The following VWC2L variants were observed in gnomAD, a reference collection of about 807,000 sequenced individuals.
The protein encoded by VWC2L is von Willebrand factor C domain-containing protein 2-like.
Under a neutral mutation model 21.6 loss-of-function variants are expected in VWC2L, and 10 were observed. The ratio of observed to expected loss-of-function variants is 0.46; its 90% CI spans 0.29 to 0.78. The LOEUF (loss-of-function observed/expected upper bound fraction) is 0.78, where lower values mean the gene tolerates loss of function less well. Ranked by LOEUF, VWC2L falls within the 30% of genes least tolerant of loss-of-function variation. The probability of loss-of-function intolerance (pLI) is 0.10; values close to 1 mark genes in which losing one functional copy is unlikely to be tolerated. For synonymous variants in VWC2L, 96 were observed against 94.3 expected (o/e 1.02, Z -0.10); for missense variants, 209 against 277.1 (o/e 0.75, Z 1.74).
chr2:214,476,247 G>A (rs1216393051), intron 3 of VWC2L, among the ~76,000 whole-genome samples: 1 of 152,056 alleles, frequency 6.6e-6, no homozygotes, highest in African/African-American at 2.4e-5. Context: ...AGCACATATT[G>A]CATTATTGAA....
At chr2:214,544,294 C>T (rs1213580275) in intron 3 of VWC2L, among the ~76,000 whole-genome samples, 1 of 152,144 alleles carries the variant, frequency 6.6e-6, no homozygotes, top group African/African-American at 2.4e-5. Flanking sequence ...GGTGTATCCT[C>T]AGAGCTGCTG....
chr2:214,494,645 G>A (rs1367358385), intron 3 of VWC2L, among the ~76,000 whole-genome samples: 5 of 152,084 alleles, frequency 3.3e-5, no homozygotes, highest in Non-Finnish European at 5.9e-5. Context: ...TGTTTTCCCA[G>A]ACGTTCTTAA....
chr2:214,447,825 C>T (rs988984542), intron 3 of VWC2L, among the ~76,000 whole-genome samples: 4 of 152,092 alleles, frequency 2.6e-5, no homozygotes, highest in Admixed American at 6.6e-5. Context: ...TGCATCTCCA[C>T]GTCATTGTTG....
chr2:214,574,972 T>C (rs1268588732), intron 3 of VWC2L, among the ~76,000 whole-genome samples: 2 of 145,630 alleles, frequency 1.4e-5, no homozygotes, highest in East Asian at 4.0e-4. Context: ...GGCTTTTGAA[T>C]GTCAAAAAGT....
chr2:214,531,670 C>G (rs183173301), intron 3 of VWC2L, among the ~76,000 whole-genome samples: 1 of 152,110 alleles, frequency 6.6e-6, no homozygotes, highest in Admixed American at 6.5e-5. Flanking sequence ...TACCGTGGCC[C>G]AAAGGACAGT....
chr2:214,470,211 G>A (rs957490470), intron 3 of VWC2L, among the ~76,000 whole-genome samples: 3 of 147,676 alleles, frequency 2.0e-5, no homozygotes, highest in Non-Finnish European at 4.4e-5. Flanking sequence ...TTTGATAAAT[G>A]CTTTTTTTTT....
chr2:214,421,758 T>A (rs1171763982), intron 2 of VWC2L, among the ~76,000 whole-genome samples: 1 of 150,768 alleles, frequency 6.6e-6, no homozygotes, highest in Admixed American at 6.6e-5. Context: ...AGATTTTAAC[T>A]CCAACTGTAC....
intron 3 of VWC2L, chr2:214,525,489 A>G (rs1427811293): frequency 6.6e-6 from 1 of 152,188 alleles, no homozygotes; most frequent in East Asian, 1.9e-4. Flanking sequence ...GATTTTTCAA[A>G]ATTCTTTAGT....
At chr2:214,440,080 A>T (rs1702742016) in intron 3 of VWC2L, among the ~76,000 whole-genome samples, 1 of 151,928 alleles carries the variant, frequency 6.6e-6, no homozygotes, top group Non-Finnish European at 1.5e-5. Flanking sequence ...CATAAACAAG[A>T]TTTTCAATGG....
chr2:214,463,653 G>A (rs554001493), intron 3 of VWC2L, among the ~76,000 whole-genome samples: 4 of 151,998 alleles, frequency 2.6e-5, no homozygotes, highest in Non-Finnish European at 4.4e-5. Flanking sequence ...ACTGAATATT[G>A]TATGATTCTA....
rs377699117 is a variant in VWC2L at position 214,542,044 on chromosome 2, G to C, written c.521-33628G>C. 2.0e-4 allele frequency among the ~76,000 whole-genome samples: 31 copies of C among 152,052 alleles called. 1 individual carries two copies. Among genetic ancestry groups the C allele is most frequent in the African/African-American group, 7.5e-4 (31 of 41,454 alleles). On this transcript the variant is annotated intron_variant, in intron 3 of 3. Transcript: ENST00000312504. ...CACGTGGATGAGGTCATTCATTATC[G>C]GACAGCATTGGCTCCCTGAGTGAAT... is the stretch of plus-strand genomic sequence containing the variant.
Position 214,575,982 on chromosome 2 carries a change from A to C in VWC2L, c.*162A>C. ...AAAAGTGAATATTTTCCTAAGAGGAAATTTCTTTCTCTCTTGCTATATAAA... is the reference window on the plus strand; with the variant it reads ...AAAAGTGAATATTTTCCTAAGAGGACATTTCTTTCTCTCTTGCTATATAAA... On this transcript the variant is annotated 3_prime_UTR_variant, in exon 4 of 4. Transcript: ENST00000312504. 2 of 701,300 alleles carry C rather than the reference A, an allele frequency of 2.9e-6. No homozygotes were observed. Among genetic ancestry groups the C allele is most frequent in the South Asian group, 5.2e-5 (2 of 38,758 alleles). 43.4% of individuals were successfully genotyped at this position (701,300 alleles called of 1,614,324 possible).
Position 214,575,947 on chromosome 2 carries a change from T to C in VWC2L, c.*127T>C, listed in dbSNP as rs1413712128. The C allele has an allele frequency of 3.6e-6, 4 of 1,097,048 alleles. No homozygotes were observed. The highest frequency in any genetic ancestry group is 1.6e-5 in the African/African-American group (1 of 63,696). 68.0% of individuals were successfully genotyped at this position (1,097,048 alleles called of 1,614,324 possible). On this transcript the variant is annotated 3_prime_UTR_variant, in exon 4 of 4. Transcript: ENST00000312504. Reference sequence around the variant, plus strand: ...CAACAGGGTCACCAGCAAAACTTTCTAGGGTTGACAAAAGTGAATATTTTC... The same window carrying C: ...CAACAGGGTCACCAGCAAAACTTTCCAGGGTTGACAAAAGTGAATATTTTC...
intron 3 of VWC2L, among the ~76,000 whole-genome samples, chr2:214,515,229 G>C (rs1055732338): frequency 5.3e-5 from 8 of 152,152 alleles, no homozygotes; most frequent in African/African-American, 1.9e-4. Context: ...TATCATATGT[G>C]AACAACCTCG....
intron 2 of VWC2L, among the ~76,000 whole-genome samples, chr2:214,432,386 T>C (rs1226052844): frequency 6.6e-6 from 1 of 152,172 alleles, no homozygotes; most frequent in African/African-American, 2.4e-5. Context: ...ATGGTTGACA[T>C]GATGGACAGA....
intron 3 of VWC2L, among the ~76,000 whole-genome samples, chr2:214,557,691 C>T (rs1689894831): frequency 1.3e-5 from 2 of 152,180 alleles, no homozygotes; most frequent in Admixed American, 1.3e-4. Flanking sequence ...TAGGGCCCCT[C>T]CTACTGCTCA....
intron 3 of VWC2L, among the ~76,000 whole-genome samples, chr2:214,521,238 A>AATAG (rs1689235402): frequency 5.5e-5 from 1 of 18,286 alleles, no homozygotes; most frequent in Non-Finnish European, 1.2e-4. Context: ...CTCAAAGATA[A>AATAG]ATAAATAAAT....
intron 3 of VWC2L, among the ~76,000 whole-genome samples, chr2:214,527,641 CT>C (rs1469621665): frequency 1.3e-5 from 2 of 152,162 alleles, no homozygotes; most frequent in African/African-American, 2.4e-5. Context: ...CTGATTCCAT[CT>C]TACCATCTGA....
intron 3 of VWC2L, among the ~76,000 whole-genome samples, chr2:214,463,910 G>A (rs1703179416): frequency 6.6e-6 from 1 of 151,730 alleles, no homozygotes; most frequent in Non-Finnish European, 1.5e-5. Context: ...TACTTCTTCT[G>A]CTTGATAAAT....
Sources: gnomAD v4.1 joint callset for allele counts (sites outside exome capture counted in the v4.1 genomes callset) on GRCh38, gnomAD v4.1.1 for gene constraint, MANE v1.5 for transcripts, NCBI Gene and HGNC (gene_info 2026-07-23, HGNC 2026-07-21) for gene names.